The following ARID1B variants were observed in gnomAD, a reference collection of about 807,000 sequenced individuals.
ARID1B encodes AT-rich interactive domain-containing protein 1B.
A neutral mutation model predicts 212.3 loss-of-function variants in ARID1B; 30 were observed. That is an observed-to-expected ratio of 0.14 (90% CI 0.11 to 0.19). ARID1B has a LOEUF of 0.19. Among genes scored for constraint, ARID1B ranks in the 10% least tolerant of loss-of-function variants. ARID1B has a pLI of 1.00. For missense variants in ARID1B, 2,891 were observed against 3,204.0 expected, an observed-to-expected ratio of 0.90 and a Z score of 2.36; for synonymous variants, 1,402 against 1,301.7, an observed-to-expected ratio of 1.08 and a Z score of -1.66.
chr6:156,790,011 CG>C (rs2115173945), intron 1 of ARID1B, among the ~76,000 whole-genome samples: 1 of 152,314 alleles, frequency 6.6e-6, no homozygotes, highest in South Asian at 2.1e-4. Flanking sequence ...AGCAGCCTAT[CG>C]GTCTTTCAGA....
chr6:156,827,184 AT>A (rs527822508), intron 1 of ARID1B, among the ~76,000 whole-genome samples: 20 of 152,056 alleles, frequency 1.3e-4, no homozygotes, highest in Non-Finnish European at 1.9e-4. Context: ...GCTGCAGCTC[AT>A]TATGTCTCTT....
intron 8 of ARID1B, among the ~76,000 whole-genome samples, chr6:157,154,842 A>G (rs1017547491): frequency 5.9e-5 from 9 of 151,828 alleles, no homozygotes; most frequent in African/African-American, 2.2e-4. Flanking sequence ...CGGCCTCCCA[A>G]AGTGCTGGGA....
intron 2 of ARID1B, chr6:156,871,611 T>C: frequency 1.2e-6 from 2 of 1,612,094 alleles, no homozygotes; most frequent in Non-Finnish European, 1.7e-6. Context: ...ATCCTACTTT[T>C]AGGACTCTGG....
At chr6:156,836,957 C>T (rs1048313117) in intron 2 of ARID1B, among the ~76,000 whole-genome samples, 4 of 152,198 alleles carry the variant, frequency 2.6e-5, no homozygotes, top group African/African-American at 9.7e-5. Flanking sequence ...AGCCACCATA[C>T]CCAGCCTCAG....
intron 2 of ARID1B, among the ~76,000 whole-genome samples, chr6:156,869,394 G>C (rs775304990): frequency 3.3e-5 from 5 of 152,172 alleles, no homozygotes; most frequent in Non-Finnish European, 7.4e-5. Flanking sequence ...AAATTTGCAT[G>C]TGAATTTTTG....
intron 4 of ARID1B, among the ~76,000 whole-genome samples, chr6:157,057,280 G>GCCA (rs1562583519): frequency 1.3e-5 from 2 of 152,160 alleles, no homozygotes; most frequent in Admixed American, 1.3e-4. Context: ...ACAGGCGTGA[G>GCCA]CCACCACGTG....
chr6:157,121,693 C>T (rs562315917), intron 6 of ARID1B, among the ~76,000 whole-genome samples: 4 of 131,810 alleles, frequency 3.0e-5, no homozygotes, highest in Admixed American at 8.9e-5. Flanking sequence ...AGTGCAGTGG[C>T]GCGTCTCTGC....
intron 4 of ARID1B, among the ~76,000 whole-genome samples, chr6:156,953,417 T>A (rs1793732863): frequency 6.6e-6 from 1 of 152,196 alleles, no homozygotes; most frequent in Non-Finnish European, 1.5e-5. Flanking sequence ...TTAATTTGAA[T>A]GAGAAAGAAG....
intron 4 of ARID1B, among the ~76,000 whole-genome samples, chr6:156,999,216 A>G (rs1778776528): frequency 1.3e-5 from 2 of 152,288 alleles, no homozygotes; most frequent in African/African-American, 2.4e-5. Flanking sequence ...GTACATTAGG[A>G]TTTCATTTAA....
rs891490939 is a variant in ARID1B, at chr6:156,955,121, C to T, written c.2247+19545C>T. 1.3e-5 allele frequency among the ~76,000 whole-genome samples: 2 copies of T among 152,202 alleles called. No individual in the cohort carries two copies. The highest frequency in any genetic ancestry group is 1.5e-5 in the Non-Finnish European group (1 of 68,022). ...TGAGCTCAAGTGCTCATCGACCCTT[C>T]CTGGCTGCTGTTGGACTGGGTCGGG... On this transcript the variant is annotated intron_variant, in intron 4 of 19. Transcript: ENST00000636930. This position sits in a 1 kb window ranked among gnomAD's most constrained non-coding sequence, Gnocchi z 4.2.
At chr6:156,988,794 G>A (rs550987594) in intron 4 of ARID1B, among the ~76,000 whole-genome samples, 6 of 152,278 alleles carry the variant, frequency 3.9e-5, no homozygotes, top group African/African-American at 1.4e-4. Flanking sequence ...GCGTTTTACT[G>A]CCTTCTTCCT....
intron 4 of ARID1B, among the ~76,000 whole-genome samples, chr6:157,039,865 T>TTC (rs1315588975): frequency 5.1e-4 from 66 of 128,744 alleles, no homozygotes; most frequent in Non-Finnish European, 5.9e-4. Flanking sequence ...TCTTTCTCTC[T>TTC]CTTTCTCTTT....
chr6:156,996,929 T>C (rs1778624763), intron 4 of ARID1B, among the ~76,000 whole-genome samples: 1 of 152,262 alleles, frequency 6.6e-6, no homozygotes. Context: ...GACTTAAAAG[T>C]TTCTGAGAAA....
At chr6:157,036,586 A>T (rs1781341738) in intron 4 of ARID1B, 1 of 311,498 alleles carries the variant, frequency 3.2e-6, no homozygotes, top group Admixed American at 4.2e-5. Context: ...CTACGTCCAC[A>T]TGATGGCAGA....
chr6:157,208,079 C>A lies in ARID1B; in HGVS notation c.*188C>A. On this transcript the variant is annotated 3_prime_UTR_variant, in exon 20 of 20. Transcript: ENST00000636930. ...TGAACAGTTATGAAATTAATATTTG[C>A]TGTCTGTGTGTATAAGTACATCCTT... is the stretch of plus-strand genomic sequence containing the variant. 1 of 631,596 alleles carries A rather than the reference C, an allele frequency of 1.6e-6. No individual in the cohort carries two copies. The highest frequency in any genetic ancestry group is 2.3e-6 in the Non-Finnish European group (1 of 432,184). The allele number at this position is 631,596 out of a possible 1,614,324, so 39.1% of individuals were successfully genotyped here.
At position 156,855,219 on chromosome 6, in the gene ARID1B, G is replaced by A. The variant is rs148347517; in HGVS notation, c.1986+25798G>A. Among the ~76,000 whole-genome samples the A allele has an allele frequency of 1.2e-3, 189 of 152,312 alleles. 3 individuals carry two copies. The East Asian group carries it at 0.027, about 22-fold the overall frequency. On this transcript the variant is annotated intron_variant, in intron 2 of 19. Transcript: ENST00000636930. ...TTATCTAAGTTATTCTTAAGAATTA[G>A]TAATAGATTTTTAAGGCGTATGGAT...
At chr6:156,996,555 A>G (rs1394837269) in intron 4 of ARID1B, among the ~76,000 whole-genome samples, 1 of 152,176 alleles carries the variant, frequency 6.6e-6, no homozygotes, top group Non-Finnish European at 1.5e-5. Context: ...TGTTATGGAA[A>G]CCAAAAATAA....
chr6:156,982,694 T>C (rs1341927230), intron 4 of ARID1B, among the ~76,000 whole-genome samples: 1 of 152,166 alleles, frequency 6.6e-6, no homozygotes, highest in Non-Finnish European at 1.5e-5. Flanking sequence ...TGTTTTTCTC[T>C]TTATATTTTT....
chr6:156,795,371 A>T (rs1780293102), intron 1 of ARID1B, among the ~76,000 whole-genome samples: 1 of 152,162 alleles, frequency 6.6e-6, no homozygotes, highest in East Asian at 1.9e-4. Flanking sequence ...GAGAAGGGGA[A>T]ATCCAGGCAG....
Sources: allele counts gnomAD v4.1 joint callset (sites outside exome capture counted in the v4.1 genomes callset), GRCh38; gene constraint gnomAD v4.1.1; non-coding constraint Gnocchi (gnomAD v3.1); transcripts MANE v1.5; gene names NCBI Gene and HGNC (gene_info 2026-07-23, HGNC 2026-07-21).